Variants in STPG3 observed in about 807,000 individuals in gnomAD.
STPG3 encodes the protein protein STPG3.
STPG3 carries 39 observed loss-of-function variants against 32.5 expected under a neutral mutation model. The observed-to-expected ratio is 1.20, with a 90% CI of 0.93 to 1.57. The LOEUF (loss-of-function observed/expected upper bound fraction) is 1.57, where lower values mean the gene tolerates loss of function less well. Among genes scored for constraint, STPG3 ranks in the 40% most tolerant of loss-of-function variants. The pLI is 0.00. For synonymous variants in STPG3, 209 were observed against 172.4 expected (o/e 1.21, Z -1.66); for missense variants, 507 against 407.6 (o/e 1.24, Z -2.10).
intron 4 of STPG3, 50 bp downstream of exon 4, chr9:137,252,575 TG>T: frequency 6.4e-6 from 2 of 310,194 alleles, no homozygotes; most frequent in South Asian, 3.6e-5. Flanking sequence ...GGCAGGGGGC[TG>T]GGGGTTCCAG....
In STPG3 at chr9:137,252,140, G is replaced by C; in HGVS notation, c.403+5G>C. 1 of 1,603,944 alleles carries C rather than the reference G, an allele frequency of 6.2e-7. No homozygotes were observed. Among genetic ancestry groups the C allele is most frequent in the Non-Finnish European group, 8.5e-7 (1 of 1,175,212 alleles). ...GCTGCAAGCACCAGGGCCGAGGTGT[G>C]TGTCCCCTCCCTGAGGCCCAACCAC... On this transcript the variant is annotated splice_donor_5th_base_variant and intron_variant, in intron 3 of 5. Coordinates refer to ENST00000412566, the MANE Select transcript of STPG3 (RefSeq NM_001004353.4).
rs199944835 is a variant in STPG3 at position 137,251,768 on chromosome 9, G to A, written c.141G>A (p.Pro47=). ...AGGCATCTGTGCTGTTGTTGGGCCCGGAGCCGGGGATGGCCTGGGATGAGA... is the reference window on the plus strand; with the variant it reads ...AGGCATCTGTGCTGTTGTTGGGCCCAGAGCCGGGGATGGCCTGGGATGAGA... ...QPKASVLLLG[P]EPGMAWDETQ... is the part of the protein sequence containing the mutation. Residue 47 remains proline (P), a synonymous_variant, in exon 2 of 6, where the codon CCG becomes CCA. Transcript: ENST00000412566. 8.7e-4 allele frequency: 1,371 copies of A among 1,584,230 alleles called. 6 individuals are homozygous for A. In the African/African-American group the frequency reaches 0.015, roughly 18 times the overall value.
intron 3 of STPG3, 101 bp downstream of exon 3, chr9:137,252,236 C>G: frequency 6.7e-7 from 1 of 1,482,018 alleles, no homozygotes; most frequent in Non-Finnish European, 9.1e-7. Context: ...CTGAGGGCCC[C>G]TCCACCCTTC....
rs996242177 is a variant in STPG3, at chr9:137,252,910, C to A, written c.741C>A (p.Arg247=). ...CTGGGAGCCGCCTGCAGAGCCCCCG[C>A]TCGCCGGCCTTCTCGATGAGCCGCT... ...ILPGSRLQSP[R]SPAFSMSRSP... is the part of the protein sequence containing the mutation. The change falls in exon 5 of 6, where the codon CGC becomes CGA. Residue 247 remains arginine, a synonymous_variant. Transcript: ENST00000412566. 2 of 1,598,864 alleles carry A rather than the reference C, an allele frequency of 1.3e-6. No homozygotes were observed. The highest frequency in any genetic ancestry group is 1.7e-6 in the Non-Finnish European group (2 of 1,173,476).
chr9:137,253,436 C>G lies in STPG3; in HGVS notation c.*191C>G. The G allele has an allele frequency of 2.8e-6, 4 of 1,441,300 alleles. No individual in the cohort carries two copies. Among genetic ancestry groups the G allele is most frequent in the Non-Finnish European group, 3.6e-6 (4 of 1,100,060 alleles). The allele number at this position is 1,441,300 out of a possible 1,614,324, so 89.3% of individuals were successfully genotyped here. On this transcript the variant is annotated 3_prime_UTR_variant, in exon 6 of 6. Coordinates refer to ENST00000412566, the MANE Select transcript of STPG3 (RefSeq NM_001004353.4). The stretch of plus-strand genomic sequence containing the variant: ...ACAAGGCTGGCCCAGCCTGGATCCC[C>G]CATCTGCCCATCTCCCCGCTACACT...
At position 137,252,507 on chromosome 9, in the gene STPG3, C is replaced by T. The variant is rs764584019; in HGVS notation, c.474C>T (p.Asp158=). The change falls in exon 4 of 6, where the codon GAC becomes GAT. Residue 158 remains aspartate, a synonymous_variant. Transcript: ENST00000412566. The part of the protein sequence containing the change: ...QSESPFTQKA[D]FDQEQKWPSP... ...AAAGCCCCTTCACGCAGAAAGCTGA[C>T]TTCGACCAAGAGCAAAAGGTTGGGG... 4 of 1,600,506 alleles carry T rather than the reference C, an allele frequency of 2.5e-6. No homozygotes were observed. In the African/African-American group the frequency reaches 5.4e-5, roughly 22 times the overall value.
chr9:137,251,632 G>A (rs960546150), intron 1 of STPG3, 106 bp from the exon 2 acceptor site: 1 of 1,391,076 alleles, frequency 7.2e-7, no homozygotes, highest in Admixed American at 2.1e-5. Flanking sequence ...TGGGGCACGT[G>A]GCTGGGAGCA....
rs1479452047 is a variant in STPG3 at position 137,252,513 on chromosome 9, C to T, written c.480C>T (p.Asp160=). Reference sequence around the variant, plus strand: ...CCTTCACGCAGAAAGCTGACTTCGACCAAGAGCAAAAGGTTGGGGGCTGGG... The same window carrying T: ...CCTTCACGCAGAAAGCTGACTTCGATCAAGAGCAAAAGGTTGGGGGCTGGG... The part of the protein sequence containing the change: ...ESPFTQKADF[D]QEQKWPSPAH... Residue 160 remains aspartate (D), a synonymous_variant, in exon 4 of 6, where the codon GAC becomes GAT. Transcript: ENST00000412566. 6.2e-7 allele frequency: 1 copy of T among 1,603,042 alleles called. No individual in the cohort carries two copies. Among genetic ancestry groups the T allele is most frequent in the Admixed American group, 1.7e-5 (1 of 58,514 alleles).
chr9:137,251,643 G>C, intron 1 of STPG3, 95 bp from the exon 2 acceptor site: 1 of 1,454,370 alleles, frequency 6.9e-7, no homozygotes, highest in South Asian at 1.3e-5. Context: ...GCTGGGAGCA[G>C]CCGGGGGCTG....
Position 137,251,845 on chromosome 9 carries a change from G to C in STPG3, c.218G>C (p.Gly73Ala). 3 of 1,607,424 alleles carry C rather than the reference G, an allele frequency of 1.9e-6. No homozygotes were observed. Among genetic ancestry groups the C allele is most frequent in the Non-Finnish European group, 1.7e-6 (2 of 1,177,056 alleles). Residue 73 changes from glycine (G) to alanine (A), a missense_variant, in exon 2 of 6, where the codon GGC becomes GCC. Gly to Ala is a moderately conservative substitution (Grantham distance 60). Transcript: ENST00000412566. Reference sequence around the variant, plus strand: ...CCAGTTGGCCTCAGGTTACAGACGGGCACCCCCCAGGAGTCCCTGCCCACC... The same window carrying C: ...CCAGTTGGCCTCAGGTTACAGACGGCCACCCCCCAGGAGTCCCTGCCCACC... ...EIPVGLRLQT[G>A]TPQESLPTYT...
chr9:137,252,383 A>C, intron 3 of STPG3, 54 bp from the exon 4 acceptor site: 1 of 1,548,570 alleles, frequency 6.5e-7, no homozygotes, highest in Non-Finnish European at 8.8e-7. Flanking sequence ...TCGAGTGGGG[A>C]CTGTCACCTG....
rs1162643738 is a variant in STPG3 at position 137,251,353 on chromosome 9, T to C, written c.67T>C (p.Trp23Arg). ...ANFYINGGKH[W>R]THGHLRQTQP... ...TTTTTACATCAATGGAGGCAAACACTGGACCCATGGTCACCTGAGGCAGAC... is the reference window on the plus strand; with the variant it reads ...TTTTTACATCAATGGAGGCAAACACCGGACCCATGGTCACCTGAGGCAGAC... The change falls in exon 1 of 6, where the codon TGG (tryptophan) becomes CGG (arginine). Residue 23 changes from tryptophan (W) to arginine (R), a missense_variant. Physicochemically the swap from Trp to Arg is moderately radical, Grantham distance 101. Transcript: ENST00000412566. 6.2e-7 allele frequency: 1 copy of C among 1,613,402 alleles called. No individual in the cohort carries two copies. Among genetic ancestry groups the C allele is most frequent in the Non-Finnish European group, 8.5e-7 (1 of 1,179,742 alleles).
At chr9:137,252,312 C>A (rs1178700108) in intron 3 of STPG3, 125 bp from the exon 4 acceptor site, 11 of 1,304,514 alleles carry the variant, frequency 8.4e-6, no homozygotes, top group South Asian at 1.4e-5. Flanking sequence ...AGGGCTGGGG[C>A]ATGGGTGGAC....
At position 137,252,710 on chromosome 9, in the gene STPG3, G is replaced by A. The variant is rs200786556; in HGVS notation, c.541G>A (p.Ala181Thr). ...YQLLSRPAFP[A>T]FSFRGCHSAS... The stretch of plus-strand genomic sequence containing the variant: ...GCTGCTCAGCCGGCCCGCCTTCCCC[G>A]CCTTCAGCTTCAGAGGCTGCCACTC... Residue 181 changes from alanine (A) to threonine (T), a missense_variant, in exon 5 of 6, where the codon GCC (alanine) becomes ACC (threonine). By Grantham distance (58) the Ala-to-Thr change is moderately conservative. Coordinates refer to ENST00000412566, the MANE Select transcript of STPG3 (RefSeq NM_001004353.4). 3.9e-6 allele frequency: 6 copies of A among 1,553,094 alleles called. No homozygotes were observed. The highest frequency in any genetic ancestry group is 2.7e-5 in the African/African-American group (2 of 73,238).
intron 5 of STPG3, 21 bp downstream of exon 5, chr9:137,252,986 G>A (rs1272537295): frequency 1.9e-6 from 3 of 1,577,834 alleles, no homozygotes; most frequent in African/African-American, 2.7e-5. Context: ...CTGGAGAGAA[G>A]AGGGCTAGGG....
In STPG3 at chr9:137,253,213, C is replaced by G. The variant is rs199666655; in HGVS notation, c.895C>G (p.Arg299Gly). Residue 299 changes from arginine (R) to glycine (G), a missense_variant, in exon 6 of 6, where the codon CGC (arginine) becomes GGC (glycine). Arg to Gly is a moderately radical substitution (Grantham distance 125). Coordinates refer to ENST00000412566, the MANE Select transcript of STPG3 (RefSeq NM_001004353.4). The stretch of plus-strand genomic sequence containing the variant: ...CATCCAGGGTGTACGCAGACCCAAG[C>G]GCCACGACACAGGCCCCTTCTGCAC... ...VVIQGVRRPK[R>G]HDTGPFCTL is the part of the protein sequence containing the mutation. The G allele has an allele frequency of 6.2e-7, 1 of 1,608,532 alleles. No homozygotes were observed. The highest frequency in any genetic ancestry group is 8.5e-7 in the Non-Finnish European group (1 of 1,177,972).
rs946859590 is a variant in STPG3 at position 137,253,116 on chromosome 9, C to T, written c.798C>T (p.Ser266=). Residue 266 remains serine (S), a splice_region_variant and synonymous_variant, in exon 6 of 6, where the codon TCC becomes TCT. Transcript: ENST00000412566. ...SPAFTSWLST[S]RTPGPAAYHV... is the part of the protein sequence containing the mutation. ...GCTCCCAGCCTTCTCTTTCGGCAGCCCGAACCCCTGGCCCAGCCGCCTACC... is the reference window on the plus strand; with the variant it reads ...GCTCCCAGCCTTCTCTTTCGGCAGCTCGAACCCCTGGCCCAGCCGCCTACC... The T allele has an allele frequency of 6.4e-7, 1 of 1,564,518 alleles. No homozygotes were observed. Among genetic ancestry groups the T allele is most frequent in the African/African-American group, 1.4e-5 (1 of 73,836 alleles).
Position 137,251,774 on chromosome 9 carries a change from G to A in STPG3, c.147G>A (p.Pro49=), listed in dbSNP as rs770091146. Residue 49 remains proline, a synonymous_variant, in exon 2 of 6, where the codon CCG becomes CCA. Coordinates refer to ENST00000412566, the MANE Select transcript of STPG3 (RefSeq NM_001004353.4). ...KASVLLLGPE[P]GMAWDETQPP... is the part of the protein sequence containing the mutation. ...CTGTGCTGTTGTTGGGCCCGGAGCC[G>A]GGGATGGCCTGGGATGAGACACAGC... 8 of 1,587,682 alleles carry A rather than the reference G, an allele frequency of 5.0e-6. No homozygotes were observed. The East Asian group carries it at 6.9e-5, about 14-fold the overall frequency.
chr9:137,251,420 G>A (rs751901786), intron 1 of STPG3, 24 bp downstream of exon 1: 6 of 1,567,208 alleles, frequency 3.8e-6, no homozygotes, highest in Non-Finnish European at 5.3e-6. Context: ...AGGGGGAGAA[G>A]GGGCGGGCCA....
Sources: allele counts gnomAD v4.1 joint callset, GRCh38; gene constraint gnomAD v4.1.1; transcripts MANE v1.5; gene names NCBI Gene and HGNC (gene_info 2026-07-23, HGNC 2026-07-21).